Variants in MTMR3 observed in about 807,000 individuals in gnomAD.
MTMR3 encodes phosphatidylinositol-3,5-bisphosphate 3-phosphatase MTMR3.
In MTMR3, 32 loss-of-function variants were observed where a neutral mutation model predicts 132.4. That is an observed-to-expected ratio of 0.24 (90% confidence interval 0.18 to 0.32). The LOEUF is 0.32. MTMR3 is among the 10% of genes least tolerant of loss of function. The pLI, the probability that MTMR3 is intolerant of heterozygous loss-of-function variation, is 1.00. For synonymous variants in MTMR3, 556 were observed against 550.3 expected (o/e 1.01, Z -0.14); for missense variants, 1,216 against 1,489.6 (o/e 0.82, Z 3.02).
intron 1 of MTMR3, among the ~76,000 whole-genome samples, chr22:29,923,855 G>A (rs1569006278): frequency 6.6e-6 from 1 of 152,048 alleles, no homozygotes; most frequent in African/African-American, 2.4e-5. Context: ...ATTTCAAGGG[G>A]CCAAAAAGCC....
chr22:30,000,686 T>G (rs1226249553), intron 8 of MTMR3: 1 of 152,162 alleles, frequency 6.6e-6, no homozygotes, highest in Non-Finnish European at 1.5e-5. Flanking sequence ...CAGGGTGTTT[T>G]GAAGAGTTGG....
At chr22:29,942,787 T>C (rs1168344982) in intron 1 of MTMR3, among the ~76,000 whole-genome samples, 1 of 152,246 alleles carries the variant, frequency 6.6e-6, no homozygotes, top group Admixed American at 6.5e-5. Flanking sequence ...TCTTGTTCCC[T>C]GAACATTGCT....
At chr22:29,912,147 T>C (rs1418523715) in intron 1 of MTMR3, among the ~76,000 whole-genome samples, 1 of 152,218 alleles carries the variant, frequency 6.6e-6, no homozygotes, top group African/African-American at 2.4e-5. Context: ...GATTAAATGT[T>C]AGACTTCTGC....
At chr22:30,023,381 A>T (rs2067817050) in intron 19 of MTMR3, 1 of 1,467,498 alleles carries the variant, frequency 6.8e-7, no homozygotes, top group South Asian at 1.1e-5. Flanking sequence ...TAGGACATGT[A>T]TCTCCCCACC....
intron 1 of MTMR3, among the ~76,000 whole-genome samples, chr22:29,917,948 T>A (rs927910750): frequency 6.6e-6 from 1 of 152,276 alleles, no homozygotes; most frequent in South Asian, 2.1e-4. Flanking sequence ...TTTGAATAGC[T>A]GTCAAGGGAT....
intron 1 of MTMR3, among the ~76,000 whole-genome samples, chr22:29,934,204 A>G (rs1388472637): frequency 6.6e-6 from 1 of 152,138 alleles, no homozygotes; most frequent in Non-Finnish European, 1.5e-5. Flanking sequence ...AATACAAAAA[A>G]TTAGTCGGGC....
chr22:29,949,500 G>A (rs940611751), intron 1 of MTMR3, among the ~76,000 whole-genome samples: 1 of 94,712 alleles, frequency 1.1e-5, no homozygotes, highest in Non-Finnish European at 2.0e-5. Flanking sequence ...TGTCCCCCGC[G>A]CCCCCCCCCA....
chr22:29,969,538 G>GT (rs111517689), intron 2 of MTMR3, among the ~76,000 whole-genome samples: 1,526 of 150,300 alleles, frequency 0.01, 25 homozygotes, highest in African/African-American at 0.035. Flanking sequence ...TGTTTTTTTG[G>GT]TTTTTTTTTG....
chr22:29,974,211 G>A (rs534836959), intron 3 of MTMR3, among the ~76,000 whole-genome samples: 11 of 152,216 alleles, frequency 7.2e-5, no homozygotes, highest in African/African-American at 1.4e-4. Flanking sequence ...CCAGACCAGC[G>A]TTTCCCAATT....
rs1208630241 is a variant in MTMR3, at chr22:30,012,378, G to A, written c.1132G>A (p.Ala378Thr). 1.2e-6 allele frequency: 2 copies of A among 1,613,000 alleles called. No individual in the cohort carries two copies. The highest frequency in any genetic ancestry group is 8.5e-7 in the Non-Finnish European group (1 of 1,179,588). The change falls in exon 13 of 20, where the codon GCT (alanine) becomes ACT (threonine). Residue 378 changes from alanine to threonine, a missense_variant. Coordinates refer to ENST00000401950, the MANE Select transcript of MTMR3 (RefSeq NM_021090.4). ...CTCCTGTTTTTATAGTTGGCTATCAGCTCTTGAAAGCACAAAATGGCTCCA... is the reference window on the plus strand; with the variant it reads ...CTCCTGTTTTTATAGTTGGCTATCAACTCTTGAAAGCACAAAATGGCTCCA... ...QMPDPGNWLS[A>T]LESTKWLHHL...
chr22:29,977,442 A>G (rs1453773035), intron 3 of MTMR3, among the ~76,000 whole-genome samples: 1 of 152,242 alleles, frequency 6.6e-6, no homozygotes. Flanking sequence ...TGTCATCTAG[A>G]TGAGAATTTA....
intron 1 of MTMR3, among the ~76,000 whole-genome samples, chr22:29,886,590 C>G (rs1190351272): frequency 1.3e-5 from 2 of 152,192 alleles, no homozygotes; most frequent in African/African-American, 4.8e-5. Context: ...TAGCCTGATT[C>G]TGCAAATTTT....
At chr22:29,959,367 C>T (rs919610302) in intron 2 of MTMR3, among the ~76,000 whole-genome samples, 1 of 151,920 alleles carries the variant, frequency 6.6e-6, no homozygotes, top group Non-Finnish European at 1.5e-5. Flanking sequence ...GAAATGTAAT[C>T]CTTTTTATTT....
chr22:29,954,791 C>T (rs1020444964), intron 1 of MTMR3, among the ~76,000 whole-genome samples: 2 of 152,196 alleles, frequency 1.3e-5, no homozygotes, highest in African/African-American at 4.8e-5. Context: ...AACCATTTCT[C>T]CCCCAATTTA....
chr22:30,008,146 C>A, intron 11 of MTMR3, 114 bp downstream of exon 11: 1 of 1,386,918 alleles, frequency 7.2e-7, no homozygotes, highest in East Asian at 2.4e-5. Flanking sequence ...CCTCATCCAT[C>A]CTGTCGTGAG....
intron 1 of MTMR3, among the ~76,000 whole-genome samples, chr22:29,956,829 A>G (rs544293426): frequency 5.4e-4 from 83 of 152,298 alleles, no homozygotes; most frequent in African/African-American, 1.9e-3. Flanking sequence ...TTCTGAAGGC[A>G]TGCTAAGGCT....
rs146335913 is a variant in MTMR3, at chr22:29,968,305, T to G, written c.-84-2671T>G. ...TATTTAATAGTTTTGCAAAATGCATTAAATTCACTTCCATTTAAATTGTTT... is the reference window on the plus strand; with the variant it reads ...TATTTAATAGTTTTGCAAAATGCATGAAATTCACTTCCATTTAAATTGTTT... On this transcript the variant is annotated intron_variant, in intron 2 of 19. Transcript: ENST00000401950. 1.4e-3 allele frequency among the ~76,000 whole-genome samples: 208 copies of G among 152,354 alleles called. 2 individuals carry two copies. In the East Asian group the frequency reaches 0.033, roughly 24 times the overall value.
At chr22:29,928,849 C>T (rs943793300) in intron 1 of MTMR3, among the ~76,000 whole-genome samples, 3 of 151,980 alleles carry the variant, frequency 2.0e-5, no homozygotes, top group Non-Finnish European at 4.4e-5. Context: ...GGAATATTTG[C>T]GCCGACTTTG....
rs760813550 is a variant in MTMR3 at position 30,022,041 on chromosome 22, G to A, written c.3238G>A (p.Asp1080Asn). ...TGTTTGCCAACAGACTTCAATCCCC[G>A]ACTCGGAAAGCAATCTGGATCAGAA... ...DFGDEVTSIP[D>N]SESNLDQNCL... The change falls in exon 18 of 20, where the codon GAC becomes AAC. Residue 1080 changes from aspartate (D) to asparagine (N), a missense_variant. By Grantham distance (23) the Asp-to-Asn change is conservative. Around this residue, in one of 7 missense-constraint regions of MTMR3, gnomAD observed 852 missense variants for 852.0 expected, o/e 1.00. Coordinates refer to ENST00000401950, the MANE Select transcript of MTMR3 (RefSeq NM_021090.4). 9 of 1,613,920 alleles carry A rather than the reference G, an allele frequency of 5.6e-6. No homozygotes were observed. The highest frequency in any genetic ancestry group is 3.3e-5 in the South Asian group (3 of 91,056).
Sources: gnomAD v4.1 joint callset for allele counts (sites outside exome capture counted in the v4.1 genomes callset) on GRCh38, gnomAD v4.1.1 for gene constraint, gnomAD v4.1.1 regional missense constraint, MANE v1.5 for transcripts, NCBI Gene and HGNC (gene_info 2026-07-23, HGNC 2026-07-21) for gene names.